The following FRMPD3 variants were observed in gnomAD, a reference collection of about 807,000 sequenced individuals.
FRMPD3 encodes the protein FERM and PDZ domain-containing protein 3.
FRMPD3 carries 42 observed loss-of-function variants against 97.9 expected under a neutral mutation model. The ratio of observed to expected loss-of-function variants is 0.43; its 90% CI spans 0.34 to 0.55. The LOEUF (loss-of-function observed/expected upper bound fraction) is 0.55, where lower values mean the gene tolerates loss of function less well. Among genes scored for constraint, FRMPD3 ranks in the 20% least tolerant of loss-of-function variants. The pLI is 0.03. For synonymous variants in FRMPD3, 577 were observed against 581.1 expected (o/e 0.99, Z 0.10); for missense variants, 1,303 against 1,457.7 (o/e 0.89, Z 1.73).
At chrX:107,468,625 A>G (rs1931616575) in intron 1 of FRMPD3, among the ~76,000 whole-genome samples, 1 of 112,774 alleles carries the variant, frequency 8.9e-6, no homozygotes, top group Non-Finnish European at 1.9e-5. Flanking sequence ...TAAGAATTGA[A>G]TGGCCTGAGA....
rs1924668282 is a variant in FRMPD3, at chrX:107,603,594, GGGCCTCACTGTGAGGGCAAA to G, written c.*226_*245del. 3.2e-6 allele frequency: 2 copies of G among 622,062 alleles called. No individual in the cohort carries two copies. The highest frequency in any genetic ancestry group is 4.5e-5 in the Admixed American group (1 of 22,249). The allele number at this position is 622,062 out of a possible 1,213,427, so 51.3% of individuals were successfully genotyped here. A position where few individuals can be genotyped will look rare whatever the true frequency, so the allele number is the denominator to read the frequency against. On this transcript the variant is annotated 3_prime_UTR_variant, in exon 15 of 15. Coordinates refer to ENST00000683843, the MANE Select transcript of FRMPD3 (RefSeq NM_001388459.1). The stretch of plus-strand genomic sequence containing the variant: ...TGTCCTCACCCCTTCCCTGGCCTCT[GGGCCTCACTGTGAGGGCAAA>G]GGCCCCTCTTCACTCTGCTCACAGC...
chrX:107,535,143 TAGTC>T (rs777965164), intron 4 of FRMPD3, among the ~76,000 whole-genome samples: 2 of 112,698 alleles, frequency 1.8e-5, no homozygotes, highest in Admixed American at 9.4e-5. Context: ...TTTACTTTGT[TAGTC>T]AGTTCTTCTC....
At chrX:107,486,490 T>C (rs1373487549) in intron 1 of FRMPD3, among the ~76,000 whole-genome samples, 1 of 112,771 alleles carries the variant, frequency 8.9e-6, no homozygotes, top group Non-Finnish European at 1.9e-5. Context: ...CTGTTATATT[T>C]AGGTCTTTGG....
chrX:107,465,325 A>G (rs7886939), intron 1 of FRMPD3, among the ~76,000 whole-genome samples: 2,997 of 110,090 alleles, frequency 0.027, 98 homozygotes, highest in African/African-American at 0.093. Flanking sequence ...ACAAAAATTA[A>G]CCAGGAATAG....
chrX:107,461,971 G>T (rs1931486234), intron 1 of FRMPD3, among the ~76,000 whole-genome samples: 1 of 107,582 alleles, frequency 9.3e-6, no homozygotes, highest in South Asian at 4.3e-4. Flanking sequence ...CCCCCAGCCT[G>T]CAGTGGCCCC....
intron 12 of FRMPD3, among the ~76,000 whole-genome samples, chrX:107,575,793 G>A (rs1923087592): frequency 8.9e-6 from 1 of 112,194 alleles, no homozygotes; most frequent in African/African-American, 3.2e-5. Context: ...GAAAGACTTT[G>A]GCCCAAAAGG....
At chrX:107,484,067 T>A (rs1307551222) in intron 1 of FRMPD3, among the ~76,000 whole-genome samples, 1 of 111,518 alleles carries the variant, frequency 9.0e-6, no homozygotes, top group Non-Finnish European at 1.9e-5. Context: ...GAAACCCCCA[T>A]GGGGTGGTGG....
Position 107,602,896 on chromosome X carries a change from C to T in FRMPD3, c.4857C>T (p.Pro1619=), listed in dbSNP as rs1167625276. ...GCCCCGAGGCCCGTGCCCCCAAGCCCTATGTGTCTCAGATCTCCGAGTATA... is the reference window on the plus strand; with the variant it reads ...GCCCCGAGGCCCGTGCCCCCAAGCCTTATGTGTCTCAGATCTCCGAGTATA... ...VASPEARAPK[P]YVSQISEYKL... is the part of the protein sequence containing the mutation. The change falls in exon 15 of 15, where the codon CCC becomes CCT. Residue 1619 remains proline (P), a synonymous_variant. Coordinates refer to ENST00000683843, the MANE Select transcript of FRMPD3 (RefSeq NM_001388459.1). 2 of 1,210,050 alleles carry T rather than the reference C, an allele frequency of 1.7e-6. No individual in the cohort carries two copies. Among genetic ancestry groups the T allele is most frequent in the African/African-American group, 1.7e-5 (1 of 57,515 alleles).
chrX:107,522,412 G>T (rs779284804), intron 1 of FRMPD3: 1 of 558,171 alleles, frequency 1.8e-6, no homozygotes. Context: ...GGGCTAGGAC[G>T]TAGAGTGCTG....
chrX:107,531,051 ACT>A (rs1922930516), intron 3 of FRMPD3, among the ~76,000 whole-genome samples: 2 of 108,491 alleles, frequency 1.8e-5, no homozygotes, highest in South Asian at 8.1e-4. Context: ...TGGGATTACC[ACT>A]GTTTGTACAT....
Position 107,533,533 on chromosome X carries a change from G to C in FRMPD3, c.280G>C (p.Val94Leu), listed in dbSNP as rs1482733018. 8 of 1,208,149 alleles carry C rather than the reference G, an allele frequency of 6.6e-6. No homozygotes were observed. The highest frequency in any genetic ancestry group is 9.0e-6 in the Non-Finnish European group (8 of 893,620). The change falls in exon 4 of 15, where the codon GTT becomes CTT. Residue 94 changes from valine (V) to leucine (L), a missense_variant. Coordinates refer to ENST00000683843, the MANE Select transcript of FRMPD3 (RefSeq NM_001388459.1). ...RSAKEFIVLT[V>L]LHTHQSPKSA... ...CGCTAAGGAATTCATCGTTCTTACA[G>C]TTCTGCACACTCATCAGGTGAGTGA...
Position 107,537,938 on chromosome X carries a change from C to T in FRMPD3, c.297+4388C>T, listed in dbSNP as rs765033460. 2.7e-5 allele frequency among the ~76,000 whole-genome samples: 3 copies of T among 111,492 alleles called. 1 individual carries two copies. In the Middle Eastern group the frequency reaches 0.014, roughly 514 times the overall value. ...CCATGCACACGTTCCCAGCCGAGGT[C>T]GGACAAGGTGATGCTCTGCCTTCTT... On this transcript the variant is annotated intron_variant, in intron 4 of 14. Transcript: ENST00000683843.
At chrX:107,493,302 A>G (rs1370297280) in intron 1 of FRMPD3, among the ~76,000 whole-genome samples, 1 of 110,539 alleles carries the variant, frequency 9.0e-6, no homozygotes, top group Non-Finnish European at 1.9e-5. Context: ...ATCTTGTATT[A>G]CCAGAAAGTC....
At chrX:107,545,926 T>C in intron 5 of FRMPD3, 85 bp downstream of exon 5, 1 of 739,015 alleles carries the variant, frequency 1.4e-6, no homozygotes, top group South Asian at 2.4e-5. Flanking sequence ...CTTCTTATAG[T>C]GGACAGCTTT....
intron 1 of FRMPD3, among the ~76,000 whole-genome samples, chrX:107,455,830 C>T (rs900003580): frequency 2.7e-5 from 3 of 111,623 alleles, no homozygotes; most frequent in Non-Finnish European, 3.8e-5. Flanking sequence ...AGGAGGCTTC[C>T]TGTCCTTCTC....
At chrX:107,586,379 C>CA (rs1385981535) in intron 13 of FRMPD3, among the ~76,000 whole-genome samples, 2 of 108,707 alleles carry the variant, frequency 1.8e-5, no homozygotes, top group African/African-American at 6.7e-5. Flanking sequence ...TTAATTTTTT[C>CA]AAAAAACCAC....
At position 107,560,831 on chromosome X, in the gene FRMPD3, C is replaced by T; in HGVS notation, c.1004C>T (p.Thr335Ile). Reference protein sequence around the residue: ...SLSQQLKAHQTHPSCGTKGSA... With the variant: ...SLSQQLKAHQIHPSCGTKGSA... ...TCTCAGCAACTGAAGGCTCACCAAA[C>T]ACATCCTTCCTGCGGCACCAAGGTA... Residue 335 changes from threonine to isoleucine, a missense_variant, in exon 10 of 15, where the codon ACA becomes ATA. Transcript: ENST00000683843. The T allele has an allele frequency of 4.2e-6, 5 of 1,196,101 alleles. No homozygotes were observed. Among genetic ancestry groups the T allele is most frequent in the Non-Finnish European group, 5.6e-6 (5 of 887,808 alleles).
At chrX:107,531,514 A>G (rs933581425) in intron 3 of FRMPD3, among the ~76,000 whole-genome samples, 1 of 111,040 alleles carries the variant, frequency 9.0e-6, no homozygotes, top group African/African-American at 3.3e-5. Context: ...CCTTGCCTTC[A>G]AAGGCAGACA....
intron 13 of FRMPD3, among the ~76,000 whole-genome samples, chrX:107,581,737 G>A (rs1923401633): frequency 9.0e-6 from 1 of 111,381 alleles, no homozygotes; most frequent in Non-Finnish European, 1.9e-5. Context: ...TGGACATTTT[G>A]TGTAAATGGA....
Sources: gnomAD v4.1 joint callset for allele counts (sites outside exome capture counted in the v4.1 genomes callset) on GRCh38, gnomAD v4.1.1 for gene constraint, MANE v1.5 for transcripts, NCBI Gene and HGNC (gene_info 2026-07-23, HGNC 2026-07-21) for gene names.